CNTNAP4: variants seen among roughly 807,000 people sequenced by gnomAD.
The protein encoded by CNTNAP4 is contactin associated protein family member 4, also known as contactin-associated protein-like 4.
A neutral mutation model predicts 148.4 loss-of-function variants in CNTNAP4; 98 were observed. The ratio of observed to expected loss-of-function variants is 0.66; its 90% CI spans 0.56 to 0.78. CNTNAP4 has a LOEUF of 0.78. Ranked by LOEUF, CNTNAP4 falls within the 30% of genes least tolerant of loss-of-function variation. CNTNAP4 has a pLI of 0.00. For missense variants in CNTNAP4, 1,935 were observed against 1,565.6 expected (o/e 1.24, Z -3.98); for synonymous variants, 730 against 565.1 (o/e 1.29, Z -4.14).
intron 2 of CNTNAP4, among the ~76,000 whole-genome samples, chr16:76,349,617 C>G (rs895915784): frequency 2.6e-5 from 4 of 151,968 alleles, no homozygotes; most frequent in African/African-American, 9.7e-5. Context: ...AACTTGGACT[C>G]TTGGGGAAAT....
chr16:76,552,433 C>A (rs555174919), intron 21 of CNTNAP4, among the ~76,000 whole-genome samples: 1 of 152,106 alleles, frequency 6.6e-6, no homozygotes, highest in Admixed American at 6.6e-5. Context: ...TGATAAATTT[C>A]TCTTGTTTAG....
intron 3 of CNTNAP4, among the ~76,000 whole-genome samples, chr16:76,359,570 G>A (rs1362615832): frequency 6.6e-6 from 1 of 151,984 alleles, no homozygotes; most frequent in South Asian, 2.1e-4. Flanking sequence ...AGTCTATACA[G>A]ATCATTTAAT....
At chr16:76,429,861 T>A (rs2079548802) in intron 4 of CNTNAP4, among the ~76,000 whole-genome samples, 1 of 152,226 alleles carries the variant, frequency 6.6e-6, no homozygotes, top group South Asian at 2.1e-4. Context: ...GTTGAAGTAG[T>A]AGTACTGGAA....
In CNTNAP4 at chr16:76,533,385, G is replaced by A. The variant is rs140850104; in HGVS notation, c.2756-2160G>A. Among the ~76,000 whole-genome samples, 710 of 152,258 alleles carry A rather than the reference G, an allele frequency of 4.7e-3. 4 individuals are homozygous for A. Among genetic ancestry groups the A allele is most frequent in the African/African-American group, 0.017 (690 of 41,556 alleles). ...ATTTGTTAAAGGATATACTATTACA[G>A]CTAGACAGGAGGAAAAAGTTCTAGT... On this transcript the variant is annotated intron_variant, in intron 17 of 23. Coordinates refer to ENST00000611870, the MANE Select transcript of CNTNAP4 (RefSeq NM_033401.5).
chr16:76,335,172 A>G (rs575093197), intron 2 of CNTNAP4, among the ~76,000 whole-genome samples: 69 of 152,264 alleles, frequency 4.5e-4, no homozygotes, highest in African/African-American at 1.7e-3. Flanking sequence ...TCTGCATGAC[A>G]GTTTGCTGGT....
At chr16:76,391,464 A>T (rs906703603) in intron 3 of CNTNAP4, among the ~76,000 whole-genome samples, 10 of 152,334 alleles carry the variant, frequency 6.6e-5, no homozygotes, top group South Asian at 2.1e-4. Context: ...TTTATCTAAA[A>T]TATCCTGTTA....
At chr16:76,471,357 A>T (rs1391062676) in intron 10 of CNTNAP4, among the ~76,000 whole-genome samples, 1 of 152,196 alleles carries the variant, frequency 6.6e-6, no homozygotes, top group African/African-American at 2.4e-5. Flanking sequence ...TTATTAAAGG[A>T]AATTGTTTAG....
intron 4 of CNTNAP4, among the ~76,000 whole-genome samples, chr16:76,442,706 G>A (rs1281183690): frequency 2.6e-5 from 4 of 152,094 alleles, no homozygotes; most frequent in Non-Finnish European, 5.9e-5. Flanking sequence ...CATGAGAGAA[G>A]GGATTCACTC....
intron 1 of CNTNAP4, among the ~76,000 whole-genome samples, chr16:76,288,227 G>A (rs1322016354): frequency 1.3e-5 from 2 of 152,008 alleles, no homozygotes; most frequent in East Asian, 3.9e-4. Context: ...TGTAAGACGT[G>A]CCTGTTTTGC....
intron 1 of CNTNAP4, among the ~76,000 whole-genome samples, chr16:76,310,795 T>C (rs936954507): frequency 7.2e-5 from 11 of 151,854 alleles, no homozygotes; most frequent in Admixed American, 7.2e-4. Context: ...AAATCAGCCC[T>C]ATTTTTTTTT....
chr16:76,452,037 C>A (rs1170988157), intron 7 of CNTNAP4, among the ~76,000 whole-genome samples: 2 of 150,682 alleles, frequency 1.3e-5, no homozygotes, highest in Non-Finnish European at 2.9e-5. Context: ...AGAAAAAAGA[C>A]CAAGCTGCAG....
intron 4 of CNTNAP4, among the ~76,000 whole-genome samples, chr16:76,447,375 A>T (rs1049337055): frequency 4.0e-5 from 6 of 150,460 alleles, no homozygotes; most frequent in Non-Finnish European, 8.9e-5. Flanking sequence ...TATATGAGAA[A>T]TTTAGGAATA....
chr16:76,485,204 G>A (rs979720446), intron 12 of CNTNAP4, among the ~76,000 whole-genome samples: 1 of 151,886 alleles, frequency 6.6e-6, no homozygotes, highest in African/African-American at 2.4e-5. Flanking sequence ...CTAAACCTCC[G>A]CCTCCCAGGT....
At chr16:76,427,724 T>C (rs1485050979) in intron 4 of CNTNAP4, 125 bp downstream of exon 4, 2 of 896,808 alleles carry the variant, frequency 2.2e-6, no homozygotes, top group Non-Finnish European at 3.2e-6. Flanking sequence ...ATAATTTTTG[T>C]GGAAAGCTTT....
chr16:76,489,406 A>T (rs1016897799), intron 12 of CNTNAP4, among the ~76,000 whole-genome samples: 1 of 152,176 alleles, frequency 6.6e-6, no homozygotes, highest in African/African-American at 2.4e-5. Flanking sequence ...CAGATTTCTT[A>T]ATATTTTTCA....
chr16:76,466,273 T>C (rs2081173908), intron 9 of CNTNAP4, among the ~76,000 whole-genome samples: 1 of 151,942 alleles, frequency 6.6e-6, no homozygotes, highest in Non-Finnish European at 1.5e-5. Context: ...GGTAGTGGAG[T>C]TTGGGGAGAA....
chr16:76,402,388 A>G (rs908402485), intron 3 of CNTNAP4, among the ~76,000 whole-genome samples: 2 of 151,732 alleles, frequency 1.3e-5, no homozygotes, highest in Admixed American at 1.3e-4. Flanking sequence ...GGTCAGTGGA[A>G]GTATCTCCTT....
chr16:76,537,819 T>C (rs555845547), intron 18 of CNTNAP4, among the ~76,000 whole-genome samples: 1 of 152,154 alleles, frequency 6.6e-6, no homozygotes, highest in East Asian at 1.9e-4. Flanking sequence ...AATAAAAAAG[T>C]AGATGATCAA....
At chr16:76,392,269 C>T (rs1294225719) in intron 3 of CNTNAP4, among the ~76,000 whole-genome samples, 1 of 152,162 alleles carries the variant, frequency 6.6e-6, no homozygotes, top group Admixed American at 6.6e-5. Flanking sequence ...GCTGGGATTA[C>T]AGGCATGAGC....
Sources: gnomAD v4.1 joint callset for allele counts (sites outside exome capture counted in the v4.1 genomes callset) on GRCh38, gnomAD v4.1.1 for gene constraint, MANE v1.5 for transcripts, NCBI Gene and HGNC (gene_info 2026-07-23, HGNC 2026-07-21) for gene names.